FUT9: variants seen among roughly 807,000 people sequenced by gnomAD.
FUT9 encodes 4-galactosyl-N-acetylglucosaminide 3-alpha-L-fucosyltransferase 9.
Under a neutral mutation model 29.7 loss-of-function variants are expected in FUT9, and 15 were observed. The observed-to-expected ratio is 0.51, with a 90% CI of 0.34 to 0.78. FUT9 has a LOEUF of 0.78. FUT9 is among the 30% of genes least tolerant of loss of function. The pLI is 0.01. For missense variants in FUT9, 319 were observed against 425.4 expected (o/e 0.75, Z 2.20); for synonymous variants, 169 against 153.7 (o/e 1.10, Z -0.74).
intron 1 of FUT9, among the ~76,000 whole-genome samples, chr6:96,047,003 C>G (rs1770575551): frequency 6.6e-6 from 1 of 152,194 alleles, no homozygotes; most frequent in South Asian, 2.1e-4. Context: ...TGAAACTGTA[C>G]ACTTTCTCCT....
chr6:96,127,901 AAGTTCTTAT>A (rs1287956564), intron 2 of FUT9, among the ~76,000 whole-genome samples: 1 of 152,042 alleles, frequency 6.6e-6, no homozygotes, highest in Non-Finnish European at 1.5e-5. Context: ...TAATTTGTTT[AAGTTCTTAT>A]AGATTCTGGA....
intron 1 of FUT9, among the ~76,000 whole-genome samples, chr6:96,105,694 T>C (rs1290978616): frequency 1.3e-5 from 2 of 152,196 alleles, no homozygotes; most frequent in Admixed American, 6.5e-5. Context: ...TAACAGTTAT[T>C]TAAATAATGA....
At chr6:96,095,727 T>C (rs775950304) in intron 1 of FUT9, among the ~76,000 whole-genome samples, 27 of 152,140 alleles carry the variant, frequency 1.8e-4, no homozygotes, top group Non-Finnish European at 8.8e-5. Context: ...GGTGATTTCA[T>C]CAAATTTCAT....
intron 2 of FUT9, among the ~76,000 whole-genome samples, chr6:96,192,117 G>T (rs2127988906): frequency 6.6e-6 from 1 of 152,212 alleles, no homozygotes; most frequent in East Asian, 1.9e-4. Flanking sequence ...GCAAAAACTG[G>T]AAGCATTCCC....
In FUT9 at chr6:96,209,367, A is replaced by G. The variant is rs1488824163; in HGVS notation, c.*5132A>G. On this transcript the variant is annotated 3_prime_UTR_variant, in exon 3 of 3. Coordinates refer to ENST00000302103, the MANE Select transcript of FUT9 (RefSeq NM_006581.4). ...ACCTAATCCAGAGCTTGGAATATAG[A>G]AAGTGCTCAATTAACTGACATTCCT... 1 of 166,910 alleles carries G rather than the reference A, an allele frequency of 6.0e-6. No homozygotes were observed. Among genetic ancestry groups the G allele is most frequent in the East Asian group, 1.9e-4 (1 of 5,196 alleles). The allele number at this position is 166,910 out of a possible 1,614,324, so 10.3% of individuals were successfully genotyped here.
chr6:96,164,638 T>G (rs1379453482), intron 2 of FUT9, among the ~76,000 whole-genome samples: 1 of 152,132 alleles, frequency 6.6e-6, no homozygotes, highest in Non-Finnish European at 1.5e-5. Flanking sequence ...AAGATCGCAG[T>G]TTTAATGTTA....
At chr6:96,022,142 A>G (rs577365722) in intron 1 of FUT9, among the ~76,000 whole-genome samples, 1 of 152,162 alleles carries the variant, frequency 6.6e-6, no homozygotes, top group East Asian at 1.9e-4. Flanking sequence ...GATGAGCTAC[A>G]AGACATAGGT....
chr6:96,071,300 T>C (rs1279039645), intron 1 of FUT9, among the ~76,000 whole-genome samples: 4 of 152,202 alleles, frequency 2.6e-5, no homozygotes, highest in Non-Finnish European at 4.4e-5. Context: ...GGGCTATCTC[T>C]GGGAGCAATT....
At chr6:96,139,488 C>G (rs1772420856) in intron 2 of FUT9, among the ~76,000 whole-genome samples, 1 of 152,190 alleles carries the variant, frequency 6.6e-6, no homozygotes, top group South Asian at 2.1e-4. Context: ...TCTCACAGCT[C>G]CACTAGGCAG....
intron 1 of FUT9, among the ~76,000 whole-genome samples, chr6:96,110,274 G>A (rs1383903213): frequency 4.6e-5 from 7 of 152,090 alleles, no homozygotes; most frequent in Admixed American, 3.3e-4. Context: ...GGTTAAAGCT[G>A]CGAGCCTCAT....
In FUT9 at chr6:96,204,386, T is replaced by G. The variant is rs1182641761; in HGVS notation, c.*151T>G. The G allele has an allele frequency of 6.0e-6, 3 of 496,734 alleles. No homozygotes were observed. The highest frequency in any genetic ancestry group is 1.0e-5 in the Non-Finnish European group (3 of 292,670). The allele number at this position is 496,734 out of a possible 1,614,324, so 30.8% of individuals were successfully genotyped here. On this transcript the variant is annotated 3_prime_UTR_variant, in exon 3 of 3. Coordinates refer to ENST00000302103, the MANE Select transcript of FUT9 (RefSeq NM_006581.4). Reference sequence around the variant, plus strand: ...ACGTGTATATTTTGGTGGAGATTTTTAAAAGCTCAGCATGAGCAATCATTC... The same window carrying G: ...ACGTGTATATTTTGGTGGAGATTTTGAAAAGCTCAGCATGAGCAATCATTC...
At chr6:96,080,318 T>TCCTAGACTTTAATAAAAGTC (rs1468631155) in intron 1 of FUT9, among the ~76,000 whole-genome samples, 1 of 151,964 alleles carries the variant, frequency 6.6e-6, no homozygotes, top group Non-Finnish European at 1.5e-5. Flanking sequence ...TTAATAATTG[T>TCCTAGACTTTAATAAAAGTC]CTAGAATCTA....
At chr6:96,032,159 C>A (rs913542375) in intron 1 of FUT9, among the ~76,000 whole-genome samples, 6 of 151,492 alleles carry the variant, frequency 4.0e-5, no homozygotes, top group African/African-American at 1.5e-4. Context: ...AATACAGAGT[C>A]CTTTTATGAT....
At chr6:96,159,372 A>AT in intron 2 of FUT9, among the ~76,000 whole-genome samples, 1 of 151,948 alleles carries the variant, frequency 6.6e-6, no homozygotes, top group Non-Finnish European at 1.5e-5. Flanking sequence ...AAGAACAAAA[A>AT]ATTAAGAGCA....
intron 2 of FUT9, among the ~76,000 whole-genome samples, chr6:96,170,223 C>T (rs1704458517): frequency 6.6e-6 from 1 of 151,912 alleles, no homozygotes; most frequent in African/African-American, 2.4e-5. Context: ...GAGTTTCAAC[C>T]CAAATATCAT....
chr6:96,116,612 G>T lies in FUT9; in HGVS notation c.-9+2485G>T, dbSNP rs529848447. Among the ~76,000 whole-genome samples the T allele has an allele frequency of 4.6e-5, 7 of 152,266 alleles. No homozygotes were observed. The South Asian group carries it at 1.0e-3, about 23-fold the overall frequency. The stretch of plus-strand genomic sequence containing the variant: ...GAATACTATTCAAATATTTTTAAAA[G>T]GAAAGTATTGATTTATGCATATCAT... On this transcript the variant is annotated intron_variant, in intron 2 of 2. Coordinates refer to ENST00000302103, the MANE Select transcript of FUT9 (RefSeq NM_006581.4).
chr6:96,203,051 A>G (rs1413744946), intron 2 of FUT9, 97 bp from the exon 3 acceptor site: 2 of 888,828 alleles, frequency 2.3e-6, no homozygotes, highest in Admixed American at 2.3e-5. Flanking sequence ...CTACTTGTTT[A>G]TCTCATATTT....
rs373941834 is a variant in FUT9, at chr6:96,083,340, C to T, written c.-97-30699C>T. 2.6e-5 allele frequency among the ~76,000 whole-genome samples: 4 copies of T among 152,000 alleles called. No homozygotes were observed. The South Asian group carries it at 8.3e-4, about 31-fold the overall frequency. On this transcript the variant is annotated intron_variant, in intron 1 of 2. Transcript: ENST00000302103. ...ATTGTATTGGCTAATAATTAATCAG[C>T]ATAGGCCAAAATTTTGGAGTTGCAA...
intron 1 of FUT9, among the ~76,000 whole-genome samples, chr6:96,106,213 C>CCCTTCCTTCCTT (rs58462407): frequency 0.064 from 8,816 of 137,170 alleles, 433 homozygotes; most frequent in South Asian, 0.21. Flanking sequence ...AATCCATCAA[C>CCCTTCCTTCCTT]CCTTCCTTCC....
Sources: allele counts gnomAD v4.1 joint callset (sites outside exome capture counted in the v4.1 genomes callset), GRCh38; gene constraint gnomAD v4.1.1; transcripts MANE v1.5; gene names NCBI Gene and HGNC (gene_info 2026-07-23, HGNC 2026-07-21).